The following SLC36A1 variants were observed in gnomAD, a reference collection of about 807,000 sequenced individuals.
SLC36A1 encodes the protein proton-coupled amino acid transporter 1.
In SLC36A1, 30 loss-of-function variants were observed where a neutral mutation model predicts 47.5. The observed-to-expected ratio is 0.63, with a 90% confidence interval of 0.47 to 0.86. The LOEUF is 0.86. Among genes scored for constraint, SLC36A1 ranks in the 40% least tolerant of loss-of-function variants. The pLI, the probability that SLC36A1 is intolerant of heterozygous loss-of-function variation, is 0.00. For synonymous variants in SLC36A1, 255 were observed against 249.7 expected, an observed-to-expected ratio of 1.02 and a Z score of -0.20; for missense variants, 517 against 606.0, an observed-to-expected ratio of 0.85 and a Z score of 1.54.
rs1251036383 is a variant in SLC36A1, at chr5:151,488,759, G to C, written c.*505G>C. The C allele has an allele frequency of 6.2e-6, 1 of 162,148 alleles. No individual in the cohort carries two copies. Among genetic ancestry groups the C allele is most frequent in the African/African-American group, 2.4e-5 (1 of 41,436 alleles). The allele number at this position is 162,148 out of a possible 1,614,324, so 10.0% of individuals were successfully genotyped here. ...TATTCTTCCTATTCGAGTCTCCAGG[G>C]GGTGGCTGGACCTACCTGGTCATTT... is the stretch of plus-strand genomic sequence containing the variant. On this transcript the variant is annotated 3_prime_UTR_variant, in exon 11 of 11. Transcript: ENST00000243389.
intron 1 of SLC36A1, among the ~76,000 whole-genome samples, chr5:151,451,629 A>G (rs190019307): frequency 1.3e-5 from 2 of 152,342 alleles, no homozygotes; most frequent in Non-Finnish European, 2.9e-5. Context: ...GTTCCAGGCA[A>G]CATATCTAAC....
At chr5:151,420,742 T>C in the SLC36A1 span, among the ~76,000 whole-genome samples, 5 of 152,196 alleles carry the variant, frequency 3.3e-5, no homozygotes, top group Admixed American at 3.3e-4. Context: ...CCAATGTAGT[T>C]CTCCTCACCA....
the SLC36A1 span, among the ~76,000 whole-genome samples, chr5:151,536,025 A>G: frequency 3.8e-3 from 572 of 152,332 alleles, 4 homozygotes; most frequent in African/African-American, 0.013. Flanking sequence ...AAAGCAAGTT[A>G]CAAATAGTAT....
chr5:151,493,716 A>G (rs565944296), downstream of SLC36A1, among the ~76,000 whole-genome samples: 2 of 152,210 alleles, frequency 1.3e-5, no homozygotes, highest in South Asian at 4.1e-4. Flanking sequence ...AGTTAGCAGC[A>G]TTGGGATACA....
chr5:151,452,869 CAA>C (rs543863050), intron 1 of SLC36A1, among the ~76,000 whole-genome samples: 9 of 107,058 alleles, frequency 8.4e-5, no homozygotes, highest in African/African-American at 6.6e-5. Context: ...GACACCATCT[CAA>C]AAAAAAAAAA....
the SLC36A1 span, chr5:151,512,681 A>G: frequency 7.5e-7 from 1 of 1,338,742 alleles, no homozygotes; most frequent in Non-Finnish European, 1.0e-6. The surrounding 1 kb of genome is among the most constrained non-coding windows in gnomAD (Gnocchi z 4.1). Flanking sequence ...TGCCAGTTCA[A>G]AGAATGTTGT....
the SLC36A1 span, chr5:151,531,532 C>A: frequency 6.3e-7 from 1 of 1,599,370 alleles, no homozygotes. The surrounding 1 kb of genome is among the most constrained non-coding windows in gnomAD (Gnocchi z 5.7). Flanking sequence ...AGGAACCCAG[C>A]GCTCCCAGAA....
At chr5:151,414,435 C>T in the SLC36A1 span, among the ~76,000 whole-genome samples, 1 of 152,098 alleles carries the variant, frequency 6.6e-6, no homozygotes, top group African/African-American at 2.4e-5. Context: ...GACCAGAGCA[C>T]CTAGGGTCTT....
intron 10 of SLC36A1, 49 bp downstream of exon 10, chr5:151,479,538 C>A: frequency 6.3e-7 from 1 of 1,587,884 alleles, no homozygotes; most frequent in Non-Finnish European, 8.6e-7. Flanking sequence ...TAAAGGGCAC[C>A]CAGTCTGCAG....
At chr5:151,542,712 G>T in the SLC36A1 span, 3 of 1,614,122 alleles carry the variant, frequency 1.9e-6, no homozygotes. Flanking sequence ...TCTCAGTGAG[G>T]ACAGCCTTAT....
the SLC36A1 span, among the ~76,000 whole-genome samples, chr5:151,353,504 C>A: frequency 5.9e-5 from 9 of 152,078 alleles, no homozygotes; most frequent in Admixed American, 2.6e-4. Context: ...TCACAGCATC[C>A]CCTACTATTG....
In SLC36A1 at chr5:151,465,086, CT is replaced by C; in HGVS notation, c.339del (p.Phe113LeufsTer8). 6.2e-7 allele frequency: 1 copy of C among 1,613,758 alleles called. No homozygotes were observed. The highest frequency in any genetic ancestry group is 1.7e-5 in the Admixed American group (1 of 60,016). On this transcript the variant is annotated frameshift_variant, in exon 5 of 11. Coordinates refer to ENST00000243389, the MANE Select transcript of SLC36A1 (RefSeq NM_078483.4). LOFTEE classifies it high-confidence loss of function. Reference sequence around the variant, plus strand: ...CCTACTCTTCCAGGCTGAATAAATCCTTTGTGGATTATGGTGATACTGTGAT... The same window carrying C: ...CCTACTCTTCCAGGCTGAATAAATCCTTGTGGATTATGGTGATACTGTGAT... ...HHFCRRLNKS[F>X]VDYGDTVMYG...
the SLC36A1 span, chr5:151,546,163 C>T: frequency 6.2e-7 from 1 of 1,614,144 alleles, no homozygotes; most frequent in East Asian, 2.2e-5. Flanking sequence ...GGGGGCACTC[C>T]TATCTGAGGG....
chr5:151,538,401 A>G, the SLC36A1 span, among the ~76,000 whole-genome samples: 2 of 152,132 alleles, frequency 1.3e-5, no homozygotes, highest in African/African-American at 4.8e-5. Context: ...CATGCTATTA[A>G]GCTCATCTCC....
the SLC36A1 span, among the ~76,000 whole-genome samples, chr5:151,516,379 G>C: frequency 6.6e-6 from 1 of 152,086 alleles, no homozygotes; most frequent in Non-Finnish European, 1.5e-5. Context: ...TAGTGAGCGT[G>C]GTTGCACACA....
At chr5:151,545,650 G>A in the SLC36A1 span, 944 of 1,614,150 alleles carry the variant, frequency 5.8e-4, 4 homozygotes, top group Middle Eastern at 9.9e-4. Flanking sequence ...ATCCATCTCT[G>A]ATACAATGGT....
chr5:151,551,836 T>G, the SLC36A1 span, among the ~76,000 whole-genome samples: 2 of 152,230 alleles, frequency 1.3e-5, no homozygotes, highest in African/African-American at 2.4e-5. Context: ...TCAAATTGAT[T>G]AATAAACTAT....
the SLC36A1 span, among the ~76,000 whole-genome samples, chr5:151,534,859 A>G: frequency 3.5e-3 from 532 of 151,812 alleles, 4 homozygotes; most frequent in African/African-American, 0.012. Flanking sequence ...TGCCAGTTTA[A>G]GATCATCATC....
downstream of SLC36A1, among the ~76,000 whole-genome samples, chr5:151,492,541 G>C (rs165324): frequency 0.17 from 25,909 of 151,918 alleles, 2,323 homozygotes; most frequent in Non-Finnish European, 0.21. Context: ...CAAGAAGAAA[G>C]GGACTAGGAA....
Sources: allele counts gnomAD v4.1 joint callset (sites outside exome capture counted in the v4.1 genomes callset), GRCh38; gene constraint gnomAD v4.1.1; non-coding constraint Gnocchi (gnomAD v3.1); transcripts MANE v1.5; gene names NCBI Gene and HGNC (gene_info 2026-07-23, HGNC 2026-07-21).